Variants in MRPL42 observed in about 807,000 individuals in gnomAD.
MRPL42 encodes mitochondrial ribosomal protein L42.
MRPL42 carries 17 observed loss-of-function variants against 17.9 expected under a neutral mutation model. The observed-to-expected ratio is 0.95, with a 90% CI of 0.65 to 1.42. The LOEUF (loss-of-function observed/expected upper bound fraction) is 1.42, where lower values mean the gene tolerates loss of function less well. Ranked by LOEUF, MRPL42 falls within the 40% of genes most tolerant of loss-of-function variation. The pLI, the probability that MRPL42 is intolerant of heterozygous loss-of-function variation, is 0.00. For synonymous variants in MRPL42, 59 were observed against 54.4 expected (o/e 1.08, Z -0.37); for missense variants, 177 against 175.2 (o/e 1.01, Z -0.06).
chr12:93,511,134 A>G lies in MRPL42; in HGVS notation c.*9913A>G, dbSNP rs1193278435. The G allele has an allele frequency of 6.6e-6, 1 of 152,236 alleles. No individual in the cohort carries two copies. Among genetic ancestry groups the G allele is most frequent in the Non-Finnish European group, 1.5e-5 (1 of 68,038 alleles). 9.4% of individuals were successfully genotyped at this position (152,236 alleles called of 1,614,324 possible). On this transcript the variant is annotated 3_prime_UTR_variant, in exon 6 of 6. Coordinates refer to ENST00000549982, the MANE Select transcript of MRPL42 (RefSeq NM_014050.4). ...TTTACTCATAAATATAATTCTTCAT[A>G]TACTGAGTTCAGTTTTTTAGCCATA...
At chr12:93,497,618 C>G (rs1225607195) in intron 5 of MRPL42, among the ~76,000 whole-genome samples, 2 of 152,048 alleles carry the variant, frequency 1.3e-5, no homozygotes, top group South Asian at 2.1e-4. Flanking sequence ...AACCCACAGC[C>G]AACATACTGA....
rs913308151 is a variant in MRPL42 at position 93,496,792 on chromosome 12, C to T, written c.384-4384C>T. On this transcript the variant is annotated intron_variant, in intron 5 of 5. Transcript: ENST00000549982. Reference sequence around the variant, plus strand: ...ATCCCAGAGAAATACAACAGATTCTCAGAGACTATTTTTTTTGGGGGGGTT... The same window carrying T: ...ATCCCAGAGAAATACAACAGATTCTTAGAGACTATTTTTTTTGGGGGGGTT... Among the ~76,000 whole-genome samples, 12 of 129,666 alleles carry T rather than the reference C, an allele frequency of 9.3e-5. 1 individual carries two copies. The highest frequency in any genetic ancestry group is 8.0e-4 in the Admixed American group (8 of 9,998). The allele number at this position is 129,666 out of a possible 152,430, so 85.1% of individuals were successfully genotyped here. A position where few individuals can be genotyped will look rare whatever the true frequency, so the allele number is the denominator to read the frequency against.
At chr12:93,480,814 A>G (rs560621104) in intron 4 of MRPL42, among the ~76,000 whole-genome samples, 4 of 152,220 alleles carry the variant, frequency 2.6e-5, no homozygotes, top group Admixed American at 2.6e-4. Flanking sequence ...CGCTGGGATT[A>G]CAGGTATGAG....
chr12:93,485,019 T>TGTACAC (rs1880668484), intron 4 of MRPL42, among the ~76,000 whole-genome samples: 1 of 43,710 alleles, frequency 2.3e-5, no homozygotes, highest in African/African-American at 9.7e-5. Flanking sequence ...TATATATATA[T>TGTACAC]ATATATATAA....
In MRPL42 at chr12:93,513,545, A is replaced by G. The variant is rs1320177883; in HGVS notation, c.*12324A>G. ...TATTCAAAGTATATCTAATGGTCTA[A>G]TAAACAGAATCACTACTTCAATTAT... On this transcript the variant is annotated 3_prime_UTR_variant, in exon 6 of 6. Transcript: ENST00000549982. The G allele has an allele frequency of 2.0e-5, 3 of 152,180 alleles. No individual in the cohort carries two copies. Among genetic ancestry groups the G allele is most frequent in the Non-Finnish European group, 4.4e-5 (3 of 68,042 alleles). 9.4% of individuals were successfully genotyped at this position (152,180 alleles called of 1,614,324 possible).
chr12:93,508,912 G>A lies in MRPL42; in HGVS notation c.*7691G>A, dbSNP rs1170565041. On this transcript the variant is annotated 3_prime_UTR_variant, in exon 6 of 6. Coordinates refer to ENST00000549982, the MANE Select transcript of MRPL42 (RefSeq NM_014050.4). Reference sequence around the variant, plus strand: ...AGCTAAGAATGAGCTGGGGGGCTGGGCGTGGTAGTTCACACCTGTAATCCC... The same window carrying A: ...AGCTAAGAATGAGCTGGGGGGCTGGACGTGGTAGTTCACACCTGTAATCCC... 1 of 152,188 alleles carries A rather than the reference G, an allele frequency of 6.6e-6. No homozygotes were observed. Among genetic ancestry groups the A allele is most frequent in the Non-Finnish European group, 1.5e-5 (1 of 68,080 alleles). The allele number at this position is 152,188 out of a possible 1,614,324, so 9.4% of individuals were successfully genotyped here.
chr12:93,473,370 T>C (rs547034751), intron 2 of MRPL42, among the ~76,000 whole-genome samples: 120 of 151,840 alleles, frequency 7.9e-4, no homozygotes, highest in Admixed American at 1.4e-3. Context: ...CAGGTGATCC[T>C]GCTATCTCAG....
rs1317779475 is a variant in MRPL42 at position 93,509,548 on chromosome 12, A to G, written c.*8327A>G. 1 of 152,044 alleles carries G rather than the reference A, an allele frequency of 6.6e-6. No individual in the cohort carries two copies. Among genetic ancestry groups the G allele is most frequent in the Non-Finnish European group, 1.5e-5 (1 of 68,020 alleles). The allele number at this position is 152,044 out of a possible 1,614,324, so 9.4% of individuals were successfully genotyped here. On this transcript the variant is annotated 3_prime_UTR_variant, in exon 6 of 6. Transcript: ENST00000549982. ...CTCAGGAGGCTAAGACAGGAGGATC[A>G]CTTGAGTCCAGAAGTTCTGGGTTGT...
At position 93,512,999 on chromosome 12, in the gene MRPL42, AC is replaced by A. The variant is rs1386955118; in HGVS notation, c.*11779del. The stretch of plus-strand genomic sequence containing the variant: ...TGAGTATGCTGAAATTAGTTTAAAA[AC>A]TTTTTTTTCCCATTCCGACCATTAT... On this transcript the variant is annotated 3_prime_UTR_variant, in exon 6 of 6. Transcript: ENST00000549982. 6.6e-6 allele frequency: 1 copy of A among 152,152 alleles called. No individual in the cohort carries two copies. Among genetic ancestry groups the A allele is most frequent in the African/African-American group, 2.4e-5 (1 of 41,428 alleles). The allele number at this position is 152,152 out of a possible 1,614,324, so 9.4% of individuals were successfully genotyped here.
In MRPL42 at chr12:93,505,001, T is replaced by G. The variant is rs1258221318; in HGVS notation, c.*3780T>G. ...TGCTCTAGTGCACAGGATTTTAAGC[T>G]AAGGATTTCATGAATGGGATTTGGG... On this transcript the variant is annotated 3_prime_UTR_variant, in exon 6 of 6. Transcript: ENST00000549982. 6.6e-6 allele frequency: 1 copy of G among 152,232 alleles called. No individual in the cohort carries two copies. The highest frequency in any genetic ancestry group is 1.5e-5 in the Non-Finnish European group (1 of 68,040). The allele number at this position is 152,232 out of a possible 1,614,324, so 9.4% of individuals were successfully genotyped here.
chr12:93,468,624 T>C (rs991593191), intron 1 of MRPL42, among the ~76,000 whole-genome samples: 5 of 152,256 alleles, frequency 3.3e-5, no homozygotes, highest in Non-Finnish European at 7.3e-5. Flanking sequence ...AAAGACTTTG[T>C]ACACATATAA....
In MRPL42 at chr12:93,509,736, T is replaced by G. The variant is rs1953709198; in HGVS notation, c.*8515T>G. On this transcript the variant is annotated 3_prime_UTR_variant, in exon 6 of 6. Transcript: ENST00000549982. The stretch of plus-strand genomic sequence containing the variant: ...TCACACCTGTGAATAGCCACTGCAC[T>G]GCAGCCTGGGCAACATAGTGAGATC... The G allele has an allele frequency of 6.6e-6, 1 of 151,494 alleles. No individual in the cohort carries two copies. The highest frequency in any genetic ancestry group is 2.4e-5 in the African/African-American group (1 of 41,134). 9.4% of individuals were successfully genotyped at this position (151,494 alleles called of 1,614,324 possible). A position where few individuals can be genotyped will look rare whatever the true frequency, so the allele number is the denominator to read the frequency against.
intron 2 of MRPL42, among the ~76,000 whole-genome samples, chr12:93,470,026 T>C (rs1403362582): frequency 6.6e-6 from 1 of 151,694 alleles, no homozygotes; most frequent in African/African-American, 2.4e-5. Flanking sequence ...CAGGCTGGAG[T>C]GCAGTGGCGT....
chr12:93,475,194 A>T (rs775344808), intron 2 of MRPL42, among the ~76,000 whole-genome samples: 1 of 151,710 alleles, frequency 6.6e-6, no homozygotes, highest in Non-Finnish European at 1.5e-5. Flanking sequence ...GTCTCACGGC[A>T]ACTTCTGCCT....
In MRPL42 at chr12:93,510,640, A is replaced by G; in HGVS notation, c.*9419A>G. On this transcript the variant is annotated 3_prime_UTR_variant, in exon 6 of 6. Transcript: ENST00000549982. ...GTGTTCTGAATTTTGGCCATTCTAA[A>G]AGGTGTGTAGTGGTGTCTCACTTGT... 1 of 152,136 alleles carries G rather than the reference A, an allele frequency of 6.6e-6. No individual in the cohort carries two copies. The highest frequency in any genetic ancestry group is 2.1e-4 in the South Asian group (1 of 4,826). The allele number at this position is 152,136 out of a possible 1,614,324, so 9.4% of individuals were successfully genotyped here.
At chr12:93,477,395 T>C (rs1462401846) in intron 3 of MRPL42, among the ~76,000 whole-genome samples, 1 of 152,214 alleles carries the variant, frequency 6.6e-6, no homozygotes, top group African/African-American at 2.4e-5. Flanking sequence ...TCCTAAATTA[T>C]ACATACTTAA....
rs368285003 is a variant in MRPL42, at chr12:93,469,267, A to G, written c.-19A>G. 19 of 1,593,584 alleles carry G rather than the reference A, an allele frequency of 1.2e-5. No individual in the cohort carries two copies. The African/African-American group carries it at 1.4e-4, about 11-fold the overall frequency. Reference sequence around the variant, plus strand: ...AGAACATCTTTTTTCATACCACTTGATAAGCATCTTGAAACACCATGGCTG... The same window carrying G: ...AGAACATCTTTTTTCATACCACTTGGTAAGCATCTTGAAACACCATGGCTG... On this transcript the variant is annotated 5_prime_UTR_variant, in exon 2 of 6. Coordinates refer to ENST00000549982, the MANE Select transcript of MRPL42 (RefSeq NM_014050.4).
chr12:93,470,188 T>C (rs78224303), intron 2 of MRPL42, among the ~76,000 whole-genome samples: 2,913 of 152,310 alleles, frequency 0.019, 88 homozygotes, highest in African/African-American at 0.067. Context: ...ATGTAATTTC[T>C]GCCTTTCTTT....
intron 5 of MRPL42, among the ~76,000 whole-genome samples, chr12:93,497,560 T>C (rs976273586): frequency 6.6e-6 from 1 of 152,086 alleles, no homozygotes; most frequent in African/African-American, 2.4e-5. Context: ...CTCAACAAAC[T>C]AGGCATTGAG....
Sources: gnomAD v4.1 joint callset for allele counts (sites outside exome capture counted in the v4.1 genomes callset) on GRCh38, gnomAD v4.1.1 for gene constraint, MANE v1.5 for transcripts, NCBI Gene and HGNC (gene_info 2026-07-23, HGNC 2026-07-21) for gene names.